Variants in CUL9 observed in about 807,000 individuals in gnomAD.
CUL9 encodes the protein cullin-9.
In CUL9, 79 loss-of-function variants were observed where a neutral mutation model predicts 272.6. That is an observed-to-expected ratio of 0.29 (90% confidence interval 0.24 to 0.35). The LOEUF is 0.35. Ranked by LOEUF, CUL9 falls within the 10% of genes least tolerant of loss-of-function variation. The pLI is 1.00. For missense variants in CUL9, 2,532 were observed against 3,255.6 expected (o/e 0.78, Z 5.41); for synonymous variants, 1,186 against 1,286.5 (o/e 0.92, Z 1.67).
rs1215738515 is a variant in CUL9, at chr6:43,218,437, C to T, written c.6282+1934C>T. 8.6e-5 allele frequency among the ~76,000 whole-genome samples: 13 copies of T among 151,518 alleles called. No individual in the cohort carries two copies. The highest frequency in any genetic ancestry group is 1.3e-4 in the Non-Finnish European group (9 of 67,890). On this transcript the variant is annotated intron_variant, in intron 31 of 40. Transcript: ENST00000252050. The surrounding 1 kb of genome is among the most constrained non-coding windows in gnomAD (Gnocchi z 4.4). ...TTCACTGTGTTAGCCAGGATGGTCT[C>T]GATCTCCTGACCTCGTGATCCACCC...
rs200491438 is a variant in CUL9, at chr6:43,216,418, G to A, written c.6197G>A (p.Arg2066Gln). 2.7e-5 allele frequency: 43 copies of A among 1,613,592 alleles called. No individual in the cohort carries two copies. In the East Asian group the frequency reaches 6.9e-4, roughly 26 times the overall value. Residue 2066 changes from arginine to glutamine, a missense_variant, in exon 31 of 41, where the codon CGG becomes CAG. By Grantham distance (43) the Arg-to-Gln change is conservative. Transcript: ENST00000252050. ...CACCAGGCTCAGGCTGTACCCGTACGGCCTGACCACTGCCCCGTCTGTGTG... is the reference window on the plus strand; with the variant it reads ...CACCAGGCTCAGGCTGTACCCGTACAGCCTGACCACTGCCCCGTCTGTGTG... ...CVHQAQAVPV[R>Q]PDHCPVCVSP...
In CUL9 at chr6:43,206,480, C is replaced by G; in HGVS notation, c.5182C>G (p.Leu1728Val). ...KCLPTEFCDA[L>V]DRFSSFYSQS... is the part of the protein sequence containing the mutation. ...CCTTCCCACAGAATTCTGTGATGCCCTTGACCGTTTCTCCAGTTTCTACAG... is the reference window on the plus strand; with the variant it reads ...CCTTCCCACAGAATTCTGTGATGCCGTTGACCGTTTCTCCAGTTTCTACAG... The change falls in exon 26 of 41, where the codon CTT (leucine) becomes GTT (valine). Residue 1728 changes from leucine to valine, a missense_variant. Transcript: ENST00000252050. The surrounding 1 kb of genome is among the most constrained non-coding windows in gnomAD (Gnocchi z 4.8). The G allele has an allele frequency of 5.6e-6, 9 of 1,614,194 alleles. No individual in the cohort carries two copies. Among genetic ancestry groups the G allele is most frequent in the Non-Finnish European group, 7.6e-6 (9 of 1,180,032 alleles).
At chr6:43,202,609 A>G (rs1774694373) in intron 16 of CUL9, 107 bp from the exon 17 acceptor site, 2 of 876,348 alleles carry the variant, frequency 2.3e-6, no homozygotes, top group East Asian at 4.9e-5. Context: ...ATCTTAAACT[A>G]GCCTCAAGCG....
rs376017052 is a variant in CUL9, at chr6:43,186,436, A to G, written c.1232A>G (p.Asn411Ser). 3.8e-5 allele frequency: 60 copies of G among 1,596,554 alleles called. No individual in the cohort carries two copies. The highest frequency in any genetic ancestry group is 5.1e-5 in the Non-Finnish European group (60 of 1,167,426). Residue 411 changes from asparagine to serine, a missense_variant, in exon 4 of 41, where the codon AAC (asparagine) becomes AGC (serine). Asn to Ser is a conservative substitution (Grantham distance 46). This residue lies in a region of CUL9 where 2,218 missense variants were observed against 2,788.6 expected (regional missense o/e 0.80). Transcript: ENST00000252050. ...GDEGEFRQSN[N>S]GIPPVQVFWQ... ...GAGGGCGAGTTCCGGCAGAGCAACA[A>G]CGGCATTCCCCCTGTGCAGGTGGGC...
intron 8 of CUL9, among the ~76,000 whole-genome samples, chr6:43,191,125 A>T (rs939516515): frequency 2.0e-5 from 3 of 152,086 alleles, no homozygotes; most frequent in Non-Finnish European, 4.4e-5. Context: ...TTTTCCAAAA[A>T]TACCCATGAT....
rs1410300565 is a variant in CUL9 at position 43,185,571 on chromosome 6, A to G, written c.711A>G (p.Glu237=). The change falls in exon 3 of 41, where the codon GAA becomes GAG. Residue 237 remains glutamate, a synonymous_variant. Coordinates refer to ENST00000252050, the MANE Select transcript of CUL9 (RefSeq NM_015089.4). ...LELFAETTSS[E]EHCMAFEGIH... ...TGTTTGCAGAAACCACATCCTCTGA[A>G]GAACACTGCATGGCCTTTGAGGGCA... 1.9e-6 allele frequency: 3 copies of G among 1,613,534 alleles called. No homozygotes were observed. The highest frequency in any genetic ancestry group is 2.7e-5 in the African/African-American group (2 of 74,926).
chr6:43,186,147 C>T lies in CUL9; in HGVS notation c.943C>T (p.Arg315Trp), dbSNP rs765124435. ...GGGCAACCTCATCTCTGAGCTTGTG[C>T]GGAGCATGGGCTGGGCCCGGAACCT... ...AVGNLISELV[R>W]SMGWARNLSE... The change falls in exon 4 of 41, where the codon CGG (arginine) becomes TGG (tryptophan). Residue 315 changes from arginine (R) to tryptophan (W), a missense_variant. Physicochemically the swap from Arg to Trp is moderately radical, Grantham distance 101 (BLOSUM62 -3). This residue lies in a region of CUL9 where 2,218 missense variants were observed against 2,788.6 expected (regional missense o/e 0.80). Transcript: ENST00000252050. 6.8e-6 allele frequency: 11 copies of T among 1,614,216 alleles called. No individual in the cohort carries two copies. The highest frequency in any genetic ancestry group is 1.6e-4 in the Middle Eastern group (1 of 6,062).
At chr6:43,186,902 A>G in intron 4 of CUL9, 58 bp from the exon 5 acceptor site, 2 of 1,590,806 alleles carry the variant, frequency 1.3e-6, no homozygotes, top group Non-Finnish European at 1.7e-6. Flanking sequence ...TTCACAGGCC[A>G]AGGCTCAGAG....
chr6:43,187,773 C>T lies in CUL9; in HGVS notation c.1642C>T (p.Leu548=), dbSNP rs1435945553. ...SVSVEMAESL[L]QVLSSRFEGS... The stretch of plus-strand genomic sequence containing the variant: ...GTCCGTGGAAATGGCCGAGAGTCTG[C>T]TGCAGGTTCTCAGTAGTCGATTTGA... The change falls in exon 7 of 41, where the codon CTG becomes TTG. Residue 548 remains leucine, a synonymous_variant. Coordinates refer to ENST00000252050, the MANE Select transcript of CUL9 (RefSeq NM_015089.4). 6.2e-7 allele frequency: 1 copy of T among 1,613,662 alleles called. No individual in the cohort carries two copies. Among genetic ancestry groups the T allele is most frequent in the African/African-American group, 1.3e-5 (1 of 74,800 alleles).
In CUL9 at chr6:43,204,047, C is replaced by T. The variant is rs1774853474; in HGVS notation, c.4159+60C>T. On this transcript the variant is annotated intron_variant, in intron 20 of 40. Coordinates refer to ENST00000252050, the MANE Select transcript of CUL9 (RefSeq NM_015089.4). ...TCCTTGTCCTTATTCCCAGGGATCACCTGAGTTAATGCTCTTGGTTCTTTT... is the reference window on the plus strand; with the variant it reads ...TCCTTGTCCTTATTCCCAGGGATCATCTGAGTTAATGCTCTTGGTTCTTTT... The T allele has an allele frequency of 2.0e-6, 3 of 1,530,118 alleles. 1 individual carries two copies. Among genetic ancestry groups the T allele is most frequent in the African/African-American group, 1.4e-5 (1 of 72,368 alleles). 94.8% of individuals were successfully genotyped at this position (1,530,118 alleles called of 1,614,324 possible).
intron 26 of CUL9, among the ~76,000 whole-genome samples, chr6:43,209,147 CTTTT>C (rs59098026): frequency 1.5e-5 from 2 of 131,044 alleles, no homozygotes; most frequent in Non-Finnish European, 3.3e-5. Flanking sequence ...TTCTTTCTTT[CTTTT>C]TTTTTTTTTT....
intron 12 of CUL9, 28 bp downstream of exon 12, chr6:43,198,883 T>C (rs760185119): frequency 2.4e-5 from 39 of 1,601,800 alleles, no homozygotes; most frequent in East Asian, 4.5e-5. Context: ...GCACCATGCA[T>C]TGGGACGAGG....
intron 9 of CUL9, among the ~76,000 whole-genome samples, chr6:43,194,666 G>A (rs1300784684): frequency 6.6e-6 from 1 of 152,112 alleles, no homozygotes; most frequent in East Asian, 1.9e-4. Context: ...GGCATTCATA[G>A]TCCAGATCAT....
At chr6:43,214,520 G>C (rs942483640) in intron 29 of CUL9, among the ~76,000 whole-genome samples, 1 of 152,120 alleles carries the variant, frequency 6.6e-6, no homozygotes, top group African/African-American at 2.4e-5. Context: ...CTTAGTAGTG[G>C]CCGGGCGCGG....
intron 11 of CUL9, among the ~76,000 whole-genome samples, chr6:43,197,174 G>A (rs1187016546): frequency 6.6e-6 from 1 of 151,916 alleles, no homozygotes; most frequent in Non-Finnish European, 1.5e-5. Flanking sequence ...AGCCTCCTGT[G>A]TAGCTGGGAT....
rs772954175 is a variant in CUL9, at chr6:43,204,949, C to T, written c.4466C>T (p.Ala1489Val). 10 of 1,607,886 alleles carry T rather than the reference C, an allele frequency of 6.2e-6. 1 individual carries two copies. In the South Asian group the frequency reaches 1.1e-4, roughly 18 times the overall value. ...TCTCCTCAGGTCAGCAGATTCCTGGCTGCAGCTTGGAGGGCCCCAGACTTT... is the reference window on the plus strand; with the variant it reads ...TCTCCTCAGGTCAGCAGATTCCTGGTTGCAGCTTGGAGGGCCCCAGACTTT... Reference protein sequence around the residue: ...VVQEQVSRFLAAAWRAPDFVP... With the variant: ...VVQEQVSRFLVAAWRAPDFVP... The change falls in exon 23 of 41, where the codon GCT becomes GTT. Residue 1489 changes from alanine (A) to valine (V), a missense_variant. Coordinates refer to ENST00000252050, the MANE Select transcript of CUL9 (RefSeq NM_015089.4).
At chr6:43,182,756 C>G (rs987019168) in intron 1 of CUL9, among the ~76,000 whole-genome samples, 2 of 152,096 alleles carry the variant, frequency 1.3e-5, no homozygotes, top group African/African-American at 4.8e-5. Context: ...TCCCTGTACC[C>G]CAACATGACC....
chr6:43,183,694 C>T (rs1772635192), intron 1 of CUL9, among the ~76,000 whole-genome samples: 1 of 122,792 alleles, frequency 8.1e-6, no homozygotes, highest in Non-Finnish European at 1.6e-5. Flanking sequence ...GTAAACTCCC[C>T]TTCCTTCCTT....
intron 8 of CUL9, among the ~76,000 whole-genome samples, chr6:43,191,251 A>AT (rs1209453907): frequency 1.2e-5 from 1 of 80,194 alleles, no homozygotes; most frequent in Non-Finnish European, 2.4e-5. Flanking sequence ...TCTAAATTGC[A>AT]TTGTGTGTGT....
Sources: gnomAD v4.1 joint callset for allele counts (sites outside exome capture counted in the v4.1 genomes callset) on GRCh38, gnomAD v4.1.1 for gene constraint, gnomAD v4.1.1 regional missense constraint, Gnocchi (gnomAD v3.1) non-coding constraint, MANE v1.5 for transcripts, NCBI Gene and HGNC (gene_info 2026-07-23, HGNC 2026-07-21) for gene names.